Variants in SGCG observed in about 807,000 individuals in gnomAD.
The protein encoded by SGCG is sarcoglycan gamma.
In SGCG, 26 loss-of-function variants were observed where a neutral mutation model predicts 29.3. The ratio of observed to expected loss-of-function variants is 0.89; its 90% CI spans 0.65 to 1.23. SGCG has a LOEUF of 1.23. Ranked by LOEUF, SGCG falls within the 50% of genes most tolerant of loss-of-function variation. SGCG has a pLI of 0.00. For synonymous variants in SGCG, 145 were observed against 129.7 expected (o/e 1.12, Z -0.80); for missense variants, 353 against 356.0 (o/e 0.99, Z 0.07).
chr13:23,162,646 C>T, the SGCG span, among the ~76,000 whole-genome samples: 3 of 151,118 alleles, frequency 2.0e-5, no homozygotes, highest in Non-Finnish European at 4.4e-5. Flanking sequence ...GCCTGGGCAT[C>T]ATGGTGAAAC....
chr13:23,285,212 C>T (rs933518488), intron 5 of SGCG, among the ~76,000 whole-genome samples: 10 of 152,316 alleles, frequency 6.6e-5, no homozygotes, highest in East Asian at 1.9e-4. Context: ...CACCCACAGC[C>T]GCCCCTTCCC....
intron 4 of SGCG, among the ~76,000 whole-genome samples, chr13:23,257,753 CTTTCTACATA>C (rs1467300881): frequency 6.6e-6 from 1 of 152,156 alleles, no homozygotes; most frequent in Non-Finnish European, 1.5e-5. Context: ...CCAGTTTCAG[CTTTCTACATA>C]TGGCTAGCCA....
At chr13:23,244,800 T>C (rs1047011524) in intron 3 of SGCG, 3 of 152,294 alleles carry the variant, frequency 2.0e-5, no homozygotes, top group African/African-American at 7.2e-5. Flanking sequence ...TTGGCATCTC[T>C]AGAACACCAA....
At chr13:23,190,858 G>T (rs1187753641) in intron 1 of SGCG, among the ~76,000 whole-genome samples, 1 of 152,070 alleles carries the variant, frequency 6.6e-6, no homozygotes, top group African/African-American at 2.4e-5. Context: ...TTAGGAAAAT[G>T]CTAATAAATG....
intron 2 of SGCG, chr13:23,217,283 T>G (rs1878467718): frequency 6.6e-6 from 1 of 152,170 alleles, no homozygotes. Flanking sequence ...ACATGTTGTA[T>G]CTACCTTTCT....
intron 7 of SGCG, among the ~76,000 whole-genome samples, chr13:23,323,739 G>A (rs1316803092): frequency 1.3e-5 from 2 of 152,186 alleles, no homozygotes; most frequent in Non-Finnish European, 2.9e-5. Flanking sequence ...AGGAGGCTGT[G>A]CAGTTTCAAA....
intron 6 of SGCG, among the ~76,000 whole-genome samples, chr13:23,299,882 A>G (rs985511139): frequency 6.6e-6 from 1 of 152,196 alleles, no homozygotes; most frequent in Admixed American, 6.5e-5. Context: ...AAAGTGTATT[A>G]AAGTGTTTAT....
intron 4 of SGCG, chr13:23,268,789 A>G (rs1200265188): frequency 6.6e-6 from 1 of 152,284 alleles, no homozygotes; most frequent in African/African-American, 2.4e-5. Flanking sequence ...GCCCAACTGT[A>G]TAATGAACCC....
Position 23,227,433 on chromosome 13 carries a change from C to T in SGCG, c.196-7178C>T, listed in dbSNP as rs73435008. ...ATGGTGTGGCCTCTTTGGAAAACAACATTTTGACAGTTCTTGTTCTTAAAA... is the reference window on the plus strand; with the variant it reads ...ATGGTGTGGCCTCTTTGGAAAACAATATTTTGACAGTTCTTGTTCTTAAAA... On this transcript the variant is annotated intron_variant, in intron 2 of 7. Coordinates refer to ENST00000218867, the MANE Select transcript of SGCG (RefSeq NM_000231.3). 1.8e-3 allele frequency among the ~76,000 whole-genome samples: 273 copies of T among 152,076 alleles called. 1 individual carries two copies. The highest frequency in any genetic ancestry group is 6.1e-3 in the African/African-American group (253 of 41,474).
At chr13:23,231,101 T>C (rs956108546) in intron 2 of SGCG, among the ~76,000 whole-genome samples, 1 of 152,232 alleles carries the variant, frequency 6.6e-6, no homozygotes, top group African/African-American at 2.4e-5. Flanking sequence ...TTGATGTGCA[T>C]ATGTTAAAGC....
chr13:23,234,539 A>T, intron 2 of SGCG, 72 bp from the exon 3 acceptor site: 1 of 1,007,674 alleles, frequency 9.9e-7, no homozygotes, highest in Non-Finnish European at 1.6e-6. Context: ...TGTGTGATTT[A>T]AGTCAATATT....
In SGCG at chr13:23,278,010, T is replaced by C. The variant is rs1593215205; in HGVS notation, c.386-1349T>C. ...ACCGCGCCCAGCCTAATTTTTGTAT[T>C]TTTAGTAGAGATGGGGTTTCTCCAT... On this transcript the variant is annotated intron_variant, in intron 4 of 7. Coordinates refer to ENST00000218867, the MANE Select transcript of SGCG (RefSeq NM_000231.3). 2.6e-5 allele frequency among the ~76,000 whole-genome samples: 4 copies of C among 152,170 alleles called. No individual in the cohort carries two copies. In the South Asian group the frequency reaches 8.3e-4, roughly 32 times the overall value.
Position 23,325,021 on chromosome 13 carries a change from G to C in SGCG, c.*480G>C, listed in dbSNP as rs1312042997. The C allele has an allele frequency of 6.1e-6, 1 of 163,746 alleles. No individual in the cohort carries two copies. Among genetic ancestry groups the C allele is most frequent in the Non-Finnish European group, 1.3e-5 (1 of 74,388 alleles). 10.1% of individuals were successfully genotyped at this position (163,746 alleles called of 1,614,324 possible). On this transcript the variant is annotated 3_prime_UTR_variant, in exon 8 of 8. Transcript: ENST00000218867. Reference sequence around the variant, plus strand: ...CCTCCCTTCAGTTTAATGCAAGTAAGTCAGGTTTCACAAGAAAATTTTCAA... The same window carrying C: ...CCTCCCTTCAGTTTAATGCAAGTAACTCAGGTTTCACAAGAAAATTTTCAA...
intron 1 of SGCG, among the ~76,000 whole-genome samples, chr13:23,195,280 A>G (rs761309938): frequency 3.3e-5 from 5 of 152,188 alleles, no homozygotes; most frequent in Non-Finnish European, 5.9e-5. Flanking sequence ...GATTTCTGAG[A>G]GCATCTAATA....
chr13:23,255,178 C>T (rs1042368912), intron 4 of SGCG, among the ~76,000 whole-genome samples: 3 of 152,144 alleles, frequency 2.0e-5, no homozygotes, highest in East Asian at 1.9e-4. Context: ...GAAAAGCCAC[C>T]GGCACTCAAC....
chr13:23,248,646 A>G (rs1305113470), intron 3 of SGCG, among the ~76,000 whole-genome samples: 3 of 149,810 alleles, frequency 2.0e-5, no homozygotes, highest in Non-Finnish European at 4.4e-5. Context: ...GCGAGCCCAG[A>G]TGGCGCCACT....
At chr13:23,265,373 T>A (rs1880597830) in intron 4 of SGCG, among the ~76,000 whole-genome samples, 1 of 151,992 alleles carries the variant, frequency 6.6e-6, no homozygotes, top group Admixed American at 6.6e-5. Context: ...GGTCAAAACA[T>A]CAAGACCATC....
chr13:23,229,267 CATGT>C lies in SGCG; in HGVS notation c.196-5343_196-5340del, dbSNP rs527669394. On this transcript the variant is annotated intron_variant, in intron 2 of 7. Coordinates refer to ENST00000218867, the MANE Select transcript of SGCG (RefSeq NM_000231.3). Reference sequence around the variant, plus strand: ...AGTGCTGCAATGAACACAACGCATGCATGTGTCTTTATAGTAGAACAATTTTTAT... The same window carrying C: ...AGTGCTGCAATGAACACAACGCATGCGTCTTTATAGTAGAACAATTTTTAT... 7.1e-3 allele frequency among the ~76,000 whole-genome samples: 1,082 copies of C among 152,286 alleles called. 12 individuals are homozygous for C. Among genetic ancestry groups the C allele is most frequent in the Non-Finnish European group, 5.6e-3 (378 of 68,024 alleles).
upstream of SGCG, among the ~76,000 whole-genome samples, chr13:23,179,406 T>C (rs1359002194): frequency 6.6e-6 from 1 of 152,184 alleles, no homozygotes; most frequent in African/African-American, 2.4e-5. Flanking sequence ...CCCAAAACAC[T>C]GAAAAGTTCA....
Sources: gnomAD v4.1 joint callset for allele counts (sites outside exome capture counted in the v4.1 genomes callset) on GRCh38, gnomAD v4.1.1 for gene constraint, MANE v1.5 for transcripts, NCBI Gene and HGNC (gene_info 2026-07-23, HGNC 2026-07-21) for gene names.